EYS: variants seen among roughly 807,000 people sequenced by gnomAD.
EYS encodes protein eyes shut homolog.
EYS carries 250 observed loss-of-function variants against 282.1 expected under a neutral mutation model. That is an observed-to-expected ratio of 0.89 (90% CI 0.80 to 0.98). EYS has a LOEUF of 0.98. EYS is among the 50% of genes least tolerant of loss of function. EYS has a pLI of 0.00. For missense variants in EYS, 4,016 were observed against 3,709.0 expected, an observed-to-expected ratio of 1.08 and a Z score of -2.15; for synonymous variants, 1,355 against 1,282.9, an observed-to-expected ratio of 1.06 and a Z score of -1.20.
At chr6:64,670,574 T>C (rs1441590075) in intron 22 of EYS, among the ~76,000 whole-genome samples, 1 of 152,106 alleles carries the variant, frequency 6.6e-6, no homozygotes, top group African/African-American at 2.4e-5. Context: ...GTATGAGACA[T>C]TTTGCATTTC....
chr6:65,499,560 C>T (rs1328382601), intron 2 of EYS, among the ~76,000 whole-genome samples: 1 of 151,870 alleles, frequency 6.6e-6, no homozygotes, highest in Non-Finnish European at 1.5e-5. Flanking sequence ...ACTTTCAAAA[C>T]ATATACAAAG....
chr6:64,030,326 TTCTG>T (rs1249858917), intron 33 of EYS, among the ~76,000 whole-genome samples: 1 of 152,144 alleles, frequency 6.6e-6, no homozygotes, highest in East Asian at 1.9e-4. Flanking sequence ...CAGGGTAAAT[TTCTG>T]TCTACCCAGC....
intron 35 of EYS, among the ~76,000 whole-genome samples, chr6:63,950,396 C>T (rs867394244): frequency 2.0e-5 from 3 of 151,926 alleles, no homozygotes; most frequent in African/African-American, 7.2e-5. Flanking sequence ...TTGTGACCCC[C>T]GCCCCTGCCT....
At chr6:64,792,707 A>C (rs1054431063) in intron 22 of EYS, among the ~76,000 whole-genome samples, 7 of 152,084 alleles carry the variant, frequency 4.6e-5, no homozygotes, top group African/African-American at 1.7e-4. Context: ...CGTGTCCAAA[A>C]GTTGTTTATT....
chr6:64,034,605 G>T (rs1458400426), intron 33 of EYS, among the ~76,000 whole-genome samples: 2 of 152,190 alleles, frequency 1.3e-5, no homozygotes, highest in Non-Finnish European at 2.9e-5. Context: ...TTAACTCCCA[G>T]TCTGTGGGAG....
At chr6:64,750,265 A>T (rs1772700926) in intron 22 of EYS, among the ~76,000 whole-genome samples, 1 of 152,094 alleles carries the variant, frequency 6.6e-6, no homozygotes, top group African/African-American at 2.4e-5. Context: ...CCCAGGTGTC[A>T]AATGATAAAT....
chr6:65,616,575 C>T (rs1206371811), intron 2 of EYS, among the ~76,000 whole-genome samples: 1 of 152,044 alleles, frequency 6.6e-6, no homozygotes, highest in Non-Finnish European at 1.5e-5. Context: ...ATCACGAGGT[C>T]AAGAGATTGA....
chr6:64,591,005 A>C lies in EYS; in HGVS notation c.4862T>G (p.Val1621Gly). The C allele has an allele frequency of 6.4e-7, 1 of 1,551,356 alleles. No individual in the cohort carries two copies. Among genetic ancestry groups the C allele is most frequent in the Non-Finnish European group, 8.7e-7 (1 of 1,146,778 alleles). ...TAAAGATGGCACTTCTGTGAATGCCACTGATGGTGTTATTTCAGTAGCAGA... is the reference window on the plus strand; with the variant it reads ...TAAAGATGGCACTTCTGTGAATGCCCCTGATGGTGTTATTTCAGTAGCAGA... ...FSSATEITPS[V>G]AFTEVPSLFP... Residue 1621 changes from valine (V) to glycine (G), a missense_variant, in exon 26 of 43, where the codon GTG becomes GGG. By Grantham distance (109) the Val-to-Gly change is moderately radical (BLOSUM62 -3). Coordinates refer to ENST00000503581, the MANE Select transcript of EYS (RefSeq NM_001142800.2).
At chr6:64,892,752 T>C (rs1242405115) in intron 18 of EYS, among the ~76,000 whole-genome samples, 2 of 152,118 alleles carry the variant, frequency 1.3e-5, no homozygotes, top group East Asian at 1.9e-4. Flanking sequence ...TGAATCTGAT[T>C]TGAAACAGTG....
At chr6:65,034,906 C>T (rs1772719881) in intron 13 of EYS, among the ~76,000 whole-genome samples, 1 of 151,618 alleles carries the variant, frequency 6.6e-6, no homozygotes, top group African/African-American at 2.4e-5. Flanking sequence ...AAAGAAACAA[C>T]AAAAAAAGAA....
At chr6:64,105,061 G>A (rs1297411373) in intron 31 of EYS, among the ~76,000 whole-genome samples, 1 of 151,738 alleles carries the variant, frequency 6.6e-6, no homozygotes, top group Non-Finnish European at 1.5e-5. Flanking sequence ...AGAGACAGAA[G>A]ATGAAAGAGA....
intron 1 of EYS, among the ~76,000 whole-genome samples, chr6:65,670,448 T>C (rs1272095129): frequency 2.0e-5 from 3 of 152,070 alleles, no homozygotes; most frequent in Admixed American, 6.6e-5. Flanking sequence ...AGTTATTTCA[T>C]TGAAATATCA....
chr6:63,870,735 T>C (rs766249590), intron 35 of EYS, among the ~76,000 whole-genome samples: 1 of 152,182 alleles, frequency 6.6e-6, no homozygotes, highest in Admixed American at 6.5e-5. Flanking sequence ...AATCTCTTTA[T>C]ATAGAGTCAG....
rs1554194865 is a variant in EYS, at chr6:64,703,429, A to ATTT, written c.3444-77187_3444-77185dup. Reference sequence around the variant, plus strand: ...CACACACATATATATATATATATATATTTTTTTTTTTTTTTTTTGAGATGG... The same window carrying ATTT: ...CACACACATATATATATATATATATATTTTTTTTTTTTTTTTTTTTTGAGATGG... On this transcript the variant is annotated intron_variant, in intron 22 of 42. Transcript: ENST00000503581. Among the ~76,000 whole-genome samples, 135 of 23,360 alleles carry ATTT rather than the reference A, an allele frequency of 5.8e-3. 11 individuals carry two copies. Among genetic ancestry groups the ATTT allele is most frequent in the African/African-American group, 8.2e-3 (86 of 10,472 alleles). 15.3% of individuals were successfully genotyped at this position (23,360 alleles called of 152,430 possible).
chr6:64,769,395 T>C (rs1304163054), intron 22 of EYS, among the ~76,000 whole-genome samples: 1 of 151,986 alleles, frequency 6.6e-6, no homozygotes, highest in Non-Finnish European at 1.5e-5. Context: ...AAATTTTATA[T>C]AATTTTATAT....
intron 5 of EYS, among the ~76,000 whole-genome samples, chr6:65,475,752 G>GAC (rs199612356): frequency 0.04 from 5,834 of 144,646 alleles, 306 homozygotes; most frequent in African/African-American, 0.13. Context: ...CAGACAGACA[G>GAC]ACAGACACAC....
At chr6:65,590,018 A>G (rs991961281) in intron 2 of EYS, among the ~76,000 whole-genome samples, 6 of 152,062 alleles carry the variant, frequency 3.9e-5, no homozygotes, top group Admixed American at 2.0e-4. Flanking sequence ...CGCGTTGGAC[A>G]TTTTTAAAGC....
At chr6:65,353,962 C>T (rs1043627568) in intron 8 of EYS, among the ~76,000 whole-genome samples, 2 of 152,004 alleles carry the variant, frequency 1.3e-5, no homozygotes, top group East Asian at 1.9e-4. Flanking sequence ...ATTTAAAACA[C>T]TTATAACGGT....
chr6:65,598,233 CA>C (rs1483488635), intron 2 of EYS, among the ~76,000 whole-genome samples: 1,893 of 44,188 alleles, frequency 0.043, 15 homozygotes, highest in African/African-American at 0.062. Flanking sequence ...CCCTCCTCCC[CA>C]CCCACCCCCC....
Sources: gnomAD v4.1 joint callset for allele counts (sites outside exome capture counted in the v4.1 genomes callset) on GRCh38, gnomAD v4.1.1 for gene constraint, MANE v1.5 for transcripts, NCBI Gene and HGNC (gene_info 2026-07-23, HGNC 2026-07-21) for gene names.